Variants in FBXO10 observed in about 807,000 individuals in gnomAD.
The protein encoded by FBXO10 is F-box only protein 10.
A neutral mutation model predicts 80.7 loss-of-function variants in FBXO10; 39 were observed. The observed-to-expected ratio is 0.48, with a 90% CI of 0.37 to 0.63. The LOEUF is 0.63. Among genes scored for constraint, FBXO10 ranks in the 30% least tolerant of loss-of-function variants. FBXO10 has a pLI of 0.00. For synonymous variants in FBXO10, 449 were observed against 489.6 expected (o/e 0.92, Z 1.09); for missense variants, 1,025 against 1,269.0 (o/e 0.81, Z 2.92).
intron 1 of FBXO10, among the ~76,000 whole-genome samples, chr9:37,564,779 A>G (rs975476655): frequency 1.3e-5 from 2 of 152,160 alleles, no homozygotes; most frequent in African/African-American, 4.8e-5. Context: ...CTTGCCTTTG[A>G]TTTTACAGGC....
At chr9:37,554,574 C>T (rs776401561) in intron 1 of FBXO10, among the ~76,000 whole-genome samples, 44 of 152,146 alleles carry the variant, frequency 2.9e-4, no homozygotes, top group Non-Finnish European at 5.7e-4. Flanking sequence ...CACCCCCGAC[C>T]CCAAGAGGCA....
At chr9:37,521,911 G>C (rs921606565) in intron 7 of FBXO10, 73 bp from the exon 8 acceptor site, 2 of 1,463,640 alleles carry the variant, frequency 1.4e-6, no homozygotes, top group African/African-American at 2.8e-5. Flanking sequence ...CCTGAGAGGG[G>C]AAACAAAAGC....
At chr9:37,531,878 TCA>T in intron 4 of FBXO10, 29 bp downstream of exon 4, 1 of 1,605,822 alleles carries the variant, frequency 6.2e-7, no homozygotes, top group Non-Finnish European at 8.5e-7. Flanking sequence ...AAACCAAGAG[TCA>T]CCCTGAATAG....
At chr9:37,530,083 C>A (rs1821580304) in intron 4 of FBXO10, among the ~76,000 whole-genome samples, 1 of 152,112 alleles carries the variant, frequency 6.6e-6, no homozygotes, top group Non-Finnish European at 1.5e-5. Context: ...CTTTCCCATT[C>A]CAGTTAGTTG....
intron 4 of FBXO10, among the ~76,000 whole-genome samples, chr9:37,529,833 A>G (rs761492737): frequency 2.8e-5 from 4 of 142,280 alleles, no homozygotes; most frequent in African/African-American, 5.5e-5. Context: ...ATGCCAAGAG[A>G]TATCTTTTTT....
chr9:37,524,669 G>T (rs1203398285), intron 6 of FBXO10, among the ~76,000 whole-genome samples: 1 of 152,222 alleles, frequency 6.6e-6, no homozygotes, highest in Non-Finnish European at 1.5e-5. Context: ...CCTGGGTATA[G>T]TGAGTGTATC....
Position 37,541,611 on chromosome 9 carries a change from G to A in FBXO10, c.158C>T (p.Thr53Ile). Residue 53 changes from threonine (T) to isoleucine (I), a missense_variant, in exon 2 of 11, where the codon ACC becomes ATC. Thr to Ile is a moderately conservative substitution (Grantham distance 89, BLOSUM62 -1). Coordinates refer to ENST00000432825, the MANE Select transcript of FBXO10 (RefSeq NM_012166.3). ...GGGCCAATTGGGATGGCGGCACTCG[G>A]TGCAACCCAGACACAGCTGCCGCCA... is the stretch of plus-strand genomic sequence containing the variant. ...TRWRQLCLGC[T>I]ECRHPNWPNQ... is the part of the protein sequence containing the mutation. The A allele has an allele frequency of 1.2e-6, 2 of 1,613,808 alleles. No homozygotes were observed. The highest frequency in any genetic ancestry group is 1.7e-6 in the Non-Finnish European group (2 of 1,179,808).
intron 1 of FBXO10, among the ~76,000 whole-genome samples, chr9:37,567,218 C>G (rs7043428): frequency 6.6e-6 from 1 of 150,734 alleles, no homozygotes; most frequent in Non-Finnish European, 1.5e-5. Context: ...TCTTGGCTCA[C>G]TACAGCCTCA....
intron 1 of FBXO10, among the ~76,000 whole-genome samples, chr9:37,556,775 C>G (rs532875815): frequency 6.6e-6 from 1 of 152,224 alleles, no homozygotes; most frequent in East Asian, 1.9e-4. Context: ...GAACTCCTGA[C>G]ATCAGGTGAT....
Position 37,518,401 on chromosome 9 carries a change from A to G in FBXO10, c.2238T>C (p.His746=), listed in dbSNP as rs1821240605. 1.2e-6 allele frequency: 2 copies of G among 1,611,974 alleles called. No individual in the cohort carries two copies. The highest frequency in any genetic ancestry group is 1.7e-6 in the Non-Finnish European group (2 of 1,178,444). ...GLYVQSSEAL[H]VITNVIHANG... ...TCGCGTGGATCACATTGGTGATGACATGCAGTGCCTCGCTGCTCTGGACAT... is the reference window on the plus strand; with the variant it reads ...TCGCGTGGATCACATTGGTGATGACGTGCAGTGCCTCGCTGCTCTGGACAT... The change falls in exon 9 of 11, where the codon CAT becomes CAC. Residue 746 remains histidine (H), a synonymous_variant. Coordinates refer to ENST00000432825, the MANE Select transcript of FBXO10 (RefSeq NM_012166.3).
intron 5 of FBXO10, 38 bp downstream of exon 5, chr9:37,529,086 G>C (rs149135661): frequency 1.2e-6 from 2 of 1,612,854 alleles, no homozygotes; most frequent in Non-Finnish European, 1.7e-6. Flanking sequence ...ACAGGGAGGA[G>C]GTTAACAAAG....
intron 1 of FBXO10, chr9:37,575,406 C>T (rs1348602362): frequency 6.6e-6 from 1 of 152,246 alleles, no homozygotes; most frequent in East Asian, 1.9e-4. Context: ...GTGGGGCAAT[C>T]TCTAGCTTAC....
chr9:37,571,041 G>C (rs150720350), intron 1 of FBXO10, among the ~76,000 whole-genome samples: 1 of 151,330 alleles, frequency 6.6e-6, no homozygotes, highest in East Asian at 1.9e-4. Flanking sequence ...TAAATATGAA[G>C]GGATAAACTC....
intron 1 of FBXO10, among the ~76,000 whole-genome samples, chr9:37,569,376 C>T (rs774540761): frequency 7.5e-6 from 1 of 133,754 alleles, no homozygotes; most frequent in African/African-American, 2.7e-5. Flanking sequence ...CCTGATAATA[C>T]GGCCTTACAG....
rs573026341 is a variant in FBXO10, at chr9:37,512,810, T to C, written c.2697-89A>G. 6 of 1,382,940 alleles carry C rather than the reference T, an allele frequency of 4.3e-6. No homozygotes were observed. In the Admixed American group the frequency reaches 6.8e-5, roughly 16 times the overall value. The allele number at this position is 1,382,940 out of a possible 1,614,324, so 85.7% of individuals were successfully genotyped here. On this transcript the variant is annotated intron_variant, in intron 10 of 10. Transcript: ENST00000432825. ...GCACAGTCTTAACTTGGGTTCCAGA[T>C]CGGTGGATCCAGGTGTTTAAATCTG...
intron 10 of FBXO10, among the ~76,000 whole-genome samples, chr9:37,514,707 G>A (rs377363903): frequency 4.6e-5 from 7 of 152,012 alleles, no homozygotes; most frequent in African/African-American, 1.7e-4. Flanking sequence ...GGTGGTGGGC[G>A]CCTGTAATCC....
chr9:37,571,714 C>CATATATATATATATATATATAT lies in FBXO10; in HGVS notation c.-7+4475_-7+4496dup, dbSNP rs71494672. The stretch of plus-strand genomic sequence containing the variant: ...CCATTTAAGAGGGTGAAAAGAGAGC[C>CATATATATATATATATATATAT]ATATATATATATATATATATATATA... On this transcript the variant is annotated intron_variant, in intron 1 of 10. Transcript: ENST00000432825. Among the ~76,000 whole-genome samples, 131 of 93,116 alleles carry CATATATATATATATATATATAT rather than the reference C, an allele frequency of 1.4e-3. 2 individuals carry two copies. The highest frequency in any genetic ancestry group is 1.8e-3 in the African/African-American group (33 of 18,542). The allele number at this position is 93,116 out of a possible 152,430, so 61.1% of individuals were successfully genotyped here.
rs116289627 is a variant in FBXO10, at chr9:37,573,672, A to G, written c.-7+2539T>C. Reference sequence around the variant, plus strand: ...GAAGGAGACACTGGAATTCTCACTAATAAGGACATTAGAGAGGACTTGGGA... The same window carrying G: ...GAAGGAGACACTGGAATTCTCACTAGTAAGGACATTAGAGAGGACTTGGGA... On this transcript the variant is annotated intron_variant, in intron 1 of 10. Transcript: ENST00000432825. 7.2e-3 allele frequency among the ~76,000 whole-genome samples: 1,096 copies of G among 152,344 alleles called. 7 individuals carry two copies. Among genetic ancestry groups the G allele is most frequent in the African/African-American group, 0.025 (1,030 of 41,582 alleles).
intron 2 of FBXO10, among the ~76,000 whole-genome samples, chr9:37,538,893 G>C (rs758123890): frequency 5.5e-4 from 84 of 152,114 alleles, no homozygotes; most frequent in Non-Finnish European, 1.5e-4. Flanking sequence ...TGGGGTCAGG[G>C]ACACAAGGAG....
Sources: allele counts gnomAD v4.1 joint callset (sites outside exome capture counted in the v4.1 genomes callset), GRCh38; gene constraint gnomAD v4.1.1; transcripts MANE v1.5; gene names NCBI Gene and HGNC (gene_info 2026-07-23, HGNC 2026-07-21).